Variants in BAG2 observed in about 807,000 individuals in gnomAD.
The protein encoded by BAG2 is BAG family molecular chaperone regulator 2.
A neutral mutation model predicts 16.4 loss-of-function variants in BAG2; 8 were observed. The observed-to-expected ratio is 0.49, with a 90% CI of 0.29 to 0.88. The LOEUF is 0.88. BAG2 is among the 40% of genes least tolerant of loss of function. The pLI is 0.09. For missense variants in BAG2, 218 were observed against 248.9 expected (o/e 0.88, Z 0.84); for synonymous variants, 82 against 89.2 (o/e 0.92, Z 0.46).
chr6:57,172,890 T>A, intron 1 of BAG2, 80 bp downstream of exon 1: 1 of 1,243,350 alleles, frequency 8.0e-7, no homozygotes, highest in Non-Finnish European at 1.1e-6. Flanking sequence ...GGAGGCCGCG[T>A]GTGGCGGGCC....
rs1161158110 is a variant in BAG2, at chr6:57,188,127, T to TTTTC, written c.*3941_*3944dup. 1.3e-5 allele frequency: 2 copies of TTTTC among 152,142 alleles called. No homozygotes were observed. The highest frequency in any genetic ancestry group is 2.4e-5 in the African/African-American group (1 of 41,442). 9.4% of individuals were successfully genotyped at this position (152,142 alleles called of 1,614,324 possible). A position where few individuals can be genotyped will look rare whatever the true frequency, so the allele number is the denominator to read the frequency against. ...CAATCACCTGGAATCTTGGAAAAGT[T>TTTTC]TTTCTTTAGTATACATGGTTTCATA... On this transcript the variant is annotated 3_prime_UTR_variant, in exon 3 of 3. Transcript: ENST00000370693.
At position 57,172,742 on chromosome 6, in the gene BAG2, C is replaced by T; in HGVS notation, c.45C>T (p.Phe15=). 1.3e-6 allele frequency: 2 copies of T among 1,582,632 alleles called. No homozygotes were observed. The highest frequency in any genetic ancestry group is 1.8e-4 in the Middle Eastern group (1 of 5,506). The part of the protein sequence containing the change: ...KINAKANEGR[F]CRSSSMADRS... ...ACGCTAAAGCCAACGAGGGGCGCTT[C>T]TGCCGCTCCTCCTCCATGGCTGACC... Residue 15 remains phenylalanine, a synonymous_variant, in exon 1 of 3, where the codon TTC becomes TTT. Coordinates refer to ENST00000370693, the MANE Select transcript of BAG2 (RefSeq NM_004282.4).
chr6:57,186,223 G>A lies in BAG2; in HGVS notation c.*2033G>A, dbSNP rs567197454. 1 of 152,334 alleles carries A rather than the reference G, an allele frequency of 6.6e-6. No homozygotes were observed. The highest frequency in any genetic ancestry group is 1.5e-5 in the Non-Finnish European group (1 of 68,078). The allele number at this position is 152,334 out of a possible 1,614,324, so 9.4% of individuals were successfully genotyped here. A position where few individuals can be genotyped will look rare whatever the true frequency, so the allele number is the denominator to read the frequency against. The stretch of plus-strand genomic sequence containing the variant: ...TGGAGTATATGAGTTAGGGAAAAGA[G>A]ACTGTGAAGGGAAGAGAACAAACAT... On this transcript the variant is annotated 3_prime_UTR_variant, in exon 3 of 3. Coordinates refer to ENST00000370693, the MANE Select transcript of BAG2 (RefSeq NM_004282.4).
intron 1 of BAG2, chr6:57,174,425 T>A: frequency 7.7e-7 from 1 of 1,296,866 alleles, no homozygotes; most frequent in Non-Finnish European, 1.0e-6. Flanking sequence ...GAAGTGCTCC[T>A]CTTTAAAAGA....
At chr6:57,181,640 C>T (rs146451353) in intron 1 of BAG2, among the ~76,000 whole-genome samples, 386 of 152,140 alleles carry the variant, frequency 2.5e-3, no homozygotes, top group African/African-American at 8.8e-3. Flanking sequence ...GTGGAGGCTG[C>T]GGTGAGATTG....
rs1764672943 is a variant in BAG2, at chr6:57,187,979, A to T, written c.*3789A>T. The stretch of plus-strand genomic sequence containing the variant: ...ATTCTATATACTATTTAATTCATAG[A>T]CAGAGACTGGAAAAGGAAAAGGAAA... On this transcript the variant is annotated 3_prime_UTR_variant, in exon 3 of 3. Coordinates refer to ENST00000370693, the MANE Select transcript of BAG2 (RefSeq NM_004282.4). The T allele has an allele frequency of 6.7e-6, 1 of 149,214 alleles. No individual in the cohort carries two copies. The highest frequency in any genetic ancestry group is 1.5e-5 in the Non-Finnish European group (1 of 67,460). 9.2% of individuals were successfully genotyped at this position (149,214 alleles called of 1,614,324 possible).
chr6:57,183,968 C>T lies in BAG2; in HGVS notation c.414C>T (p.Leu138=). Reference sequence around the variant, plus strand: ...ATGCCAAGAGTCATTTAATGTCGCTCTACAGTGCATGTTCATCTGAGGTGC... The same window carrying T: ...ATGCCAAGAGTCATTTAATGTCGCTTTACAGTGCATGTTCATCTGAGGTGC... The part of the protein sequence containing the change: ...LGNAKSHLMS[L]YSACSSEVPH... Residue 138 remains leucine, a synonymous_variant, in exon 3 of 3, where the codon CTC becomes CTT. Transcript: ENST00000370693. 2 of 1,613,728 alleles carry T rather than the reference C, an allele frequency of 1.2e-6. No homozygotes were observed. The highest frequency in any genetic ancestry group is 1.7e-6 in the Non-Finnish European group (2 of 1,179,848).
At chr6:57,180,428 G>T (rs1331844384) in intron 1 of BAG2, among the ~76,000 whole-genome samples, 1 of 151,704 alleles carries the variant, frequency 6.6e-6, no homozygotes, top group Non-Finnish European at 1.5e-5. Context: ...GTAGTACAAG[G>T]CTAGTGCTAT....
At chr6:57,180,581 T>C (rs1562641502) in intron 1 of BAG2, among the ~76,000 whole-genome samples, 1 of 151,800 alleles carries the variant, frequency 6.6e-6, no homozygotes. Context: ...TTGGGGAAAA[T>C]GGCTATTTGG....
In BAG2 at chr6:57,189,017, T is replaced by A. The variant is rs1312115110; in HGVS notation, c.*4827T>A. The A allele has an allele frequency of 6.6e-6, 1 of 152,190 alleles. No individual in the cohort carries two copies. Among genetic ancestry groups the A allele is most frequent in the East Asian group, 1.9e-4 (1 of 5,202 alleles). The allele number at this position is 152,190 out of a possible 1,614,324, so 9.4% of individuals were successfully genotyped here. A position where few individuals can be genotyped will look rare whatever the true frequency, so the allele number is the denominator to read the frequency against. Reference sequence around the variant, plus strand: ...TTCCAATAAAAGTTATTTTTACAGATTTTGCAATGCTGTAAAAACCAGGTA... The same window carrying A: ...TTCCAATAAAAGTTATTTTTACAGAATTTGCAATGCTGTAAAAACCAGGTA... On this transcript the variant is annotated 3_prime_UTR_variant, in exon 3 of 3. Transcript: ENST00000370693.
rs1312223749 is a variant in BAG2 at position 57,172,534 on chromosome 6, C to T, written c.-164C>T. The stretch of plus-strand genomic sequence containing the variant: ...CCGCGCCTGCCCTTCTTTGGCTACG[C>T]TGCAGCCGCGGTGTCGGCGAGTCCT... On this transcript the variant is annotated 5_prime_UTR_variant, in exon 1 of 3. Coordinates refer to ENST00000370693, the MANE Select transcript of BAG2 (RefSeq NM_004282.4). 3 of 521,048 alleles carry T rather than the reference C, an allele frequency of 5.8e-6. No individual in the cohort carries two copies. The highest frequency in any genetic ancestry group is 9.7e-6 in the Non-Finnish European group (3 of 308,986). 32.3% of individuals were successfully genotyped at this position (521,048 alleles called of 1,614,324 possible). A position where few individuals can be genotyped will look rare whatever the true frequency, so the allele number is the denominator to read the frequency against.
intron 1 of BAG2, among the ~76,000 whole-genome samples, chr6:57,176,559 G>T (rs1198646295): frequency 1.3e-5 from 2 of 152,202 alleles, no homozygotes; most frequent in East Asian, 1.9e-4. Context: ...AGGGGAAAAT[G>T]ATAGGACTGG....
rs771933785 is a variant in BAG2 at position 57,188,743 on chromosome 6, A to AGAT, written c.*4554_*4556dup. The stretch of plus-strand genomic sequence containing the variant: ...TAAGCATTTTACATTACTGTGAAAT[A>AGAT]GATAATGCCAGATCATTTCAATATA... On this transcript the variant is annotated 3_prime_UTR_variant, in exon 3 of 3. Transcript: ENST00000370693. 5 of 152,378 alleles carry AGAT rather than the reference A, an allele frequency of 3.3e-5. No individual in the cohort carries two copies. In the South Asian group the frequency reaches 6.2e-4, roughly 19 times the overall value. 9.4% of individuals were successfully genotyped at this position (152,378 alleles called of 1,614,324 possible).
chr6:57,182,067 A>G lies in BAG2; in HGVS notation c.149A>G (p.Glu50Gly). 1 of 1,614,192 alleles carries G rather than the reference A, an allele frequency of 6.2e-7. No individual in the cohort carries two copies. Among genetic ancestry groups the G allele is most frequent in the Non-Finnish European group, 8.5e-7 (1 of 1,180,028 alleles). The change falls in exon 2 of 3, where the codon GAG becomes GGG. Residue 50 changes from glutamate to glycine, a missense_variant. Glu to Gly is a moderately conservative substitution (Grantham distance 98). Coordinates refer to ENST00000370693, the MANE Select transcript of BAG2 (RefSeq NM_004282.4). ...TTGAGAGAAGCAGCAACTGCTGTTG[A>G]GCAAGAGAAAGAAATCCTTCTGGAA... ...EALREAATAV[E>G]QEKEILLEMI...
In BAG2 at chr6:57,184,063, T is replaced by C. The variant is rs1393114593; in HGVS notation, c.509T>C (p.Ile170Thr). 3.7e-6 allele frequency: 6 copies of C among 1,612,408 alleles called. No homozygotes were observed. The highest frequency in any genetic ancestry group is 5.1e-6 in the Non-Finnish European group (6 of 1,179,700). ...IGCALEDQKK[I>T]KRRLETLLRN... Reference sequence around the variant, plus strand: ...TGTGCTCTTGAAGATCAGAAGAAAATTAAGAGAAGATTAGAGACTCTGCTT... The same window carrying C: ...TGTGCTCTTGAAGATCAGAAGAAAACTAAGAGAAGATTAGAGACTCTGCTT... The change falls in exon 3 of 3, where the codon ATT becomes ACT. Residue 170 changes from isoleucine (I) to threonine (T), a missense_variant. Transcript: ENST00000370693.
At chr6:57,177,691 G>A (rs2127992475) in intron 1 of BAG2, among the ~76,000 whole-genome samples, 1 of 152,246 alleles carries the variant, frequency 6.6e-6, no homozygotes, top group South Asian at 2.1e-4. Context: ...TTAGTCACAA[G>A]CACTGTTCCC....
At position 57,173,097 on chromosome 6, in the gene BAG2, G is replaced by GA. The variant is rs1764173773; in HGVS notation, c.113+294dup. The GA allele has an allele frequency of 4.8e-6, 5 of 1,035,854 alleles. No individual in the cohort carries two copies. In the South Asian group the frequency reaches 1.3e-4, roughly 26 times the overall value. The allele number at this position is 1,035,854 out of a possible 1,614,324, so 64.2% of individuals were successfully genotyped here. ...TAATTTACCTAGGTGTTAGGGAGCG[G>GA]AAAAAAATCAGAGGAGATAAAAGTT... On this transcript the variant is annotated intron_variant, in intron 1 of 2. Transcript: ENST00000370693.
chr6:57,182,033 G>A lies in BAG2; in HGVS notation c.115G>A (p.Val39Ile). The A allele has an allele frequency of 2.5e-6, 4 of 1,613,806 alleles. No homozygotes were observed. The highest frequency in any genetic ancestry group is 2.5e-6 in the Non-Finnish European group (3 of 1,179,848). The change falls in exon 2 of 3, where the codon GTT (valine) becomes ATT (isoleucine). Residue 39 changes from valine to isoleucine, a missense_variant and splice_region_variant. Coordinates refer to ENST00000370693, the MANE Select transcript of BAG2 (RefSeq NM_004282.4). ...LESLDQLELRVEALREAATAV... is the reference protein window; with the variant it reads ...LESLDQLELRIEALREAATAV... The stretch of plus-strand genomic sequence containing the variant: ...GTTTTGTTTTCCCAATTTCTATAGG[G>A]TTGAAGCTTTGAGAGAAGCAGCAAC...
intron 1 of BAG2, chr6:57,173,805 A>C (rs904009785): frequency 6.5e-6 from 1 of 154,258 alleles, no homozygotes; most frequent in Admixed American, 6.5e-5. Context: ...ATGAGCAAAG[A>C]AGCATGTGAG....
Sources: allele counts gnomAD v4.1 joint callset (sites outside exome capture counted in the v4.1 genomes callset), GRCh38; gene constraint gnomAD v4.1.1; transcripts MANE v1.5; gene names NCBI Gene and HGNC (gene_info 2026-07-23, HGNC 2026-07-21).